The following WDR59 variants were observed in gnomAD, a reference collection of about 807,000 sequenced individuals.
WDR59 encodes the protein WD repeat domain 59.
Under a neutral mutation model 131.2 loss-of-function variants are expected in WDR59, and 100 were observed. That is an observed-to-expected ratio of 0.76 (90% CI 0.65 to 0.90). WDR59 has a LOEUF of 0.90. Ranked by LOEUF, WDR59 falls within the 40% of genes least tolerant of loss-of-function variation. WDR59 has a pLI of 0.00. For missense variants in WDR59, 1,203 were observed against 1,262.2 expected (o/e 0.95, Z 0.71); for synonymous variants, 601 against 466.2 (o/e 1.29, Z -3.72).
intron 1 of WDR59, among the ~76,000 whole-genome samples, chr16:74,977,273 T>A (rs574011397): frequency 3.3e-4 from 50 of 151,912 alleles, no homozygotes; most frequent in Admixed American, 5.2e-4. Flanking sequence ...TAAAAAAAAA[T>A]TTTTAATACC....
chr16:74,926,058 A>AT (rs1347258890), intron 8 of WDR59, among the ~76,000 whole-genome samples: 1,222 of 98,062 alleles, frequency 0.012, 18 homozygotes, highest in African/African-American at 0.038. Context: ...AAGTCTAATA[A>AT]ATTTTTTTTT....
chr16:74,962,603 T>G (rs1163546289), intron 2 of WDR59, among the ~76,000 whole-genome samples: 1 of 152,066 alleles, frequency 6.6e-6, no homozygotes, highest in East Asian at 1.9e-4. Context: ...TGTTGGTGTA[T>G]AGGAATGCTT....
chr16:74,891,481 G>A (rs1247706936), intron 20 of WDR59, among the ~76,000 whole-genome samples: 2 of 152,200 alleles, frequency 1.3e-5, no homozygotes, highest in African/African-American at 4.8e-5. Flanking sequence ...GATGAGATAA[G>A]ATGTTTACTA....
rs553308888 is a variant in WDR59 at position 74,956,482 on chromosome 16, G to A, written c.233C>T (p.Ala78Val). ...NPHDSFAHYFAASSNQRVDLY... is the reference protein window; with the variant it reads ...NPHDSFAHYFVASSNQRVDLY... Reference sequence around the variant, plus strand: ...TTCCTTAAATAAGCTCACCGAAGCCGCAAAATAGTGTGCAAAGCTGTCATG... The same window carrying A: ...TTCCTTAAATAAGCTCACCGAAGCCACAAAATAGTGTGCAAAGCTGTCATG... Residue 78 changes from alanine (A) to valine (V), a missense_variant, in exon 3 of 26, where the codon GCG becomes GTG. Physicochemically the swap from Ala to Val is moderately conservative, Grantham distance 64. Coordinates refer to ENST00000262144, the MANE Select transcript of WDR59 (RefSeq NM_030581.4). The A allele has an allele frequency of 4.5e-5, 72 of 1,612,524 alleles. No individual in the cohort carries two copies. Among genetic ancestry groups the A allele is most frequent in the Non-Finnish European group, 5.8e-5 (68 of 1,179,522 alleles).
intron 9 of WDR59, 43 bp from the exon 10 acceptor site, chr16:74,922,146 G>A (rs748791303): frequency 6.2e-6 from 10 of 1,607,986 alleles, no homozygotes; most frequent in Middle Eastern, 1.7e-4. Flanking sequence ...ATTATTTCAG[G>A]GAGAATCAGC....
intron 10 of WDR59, among the ~76,000 whole-genome samples, chr16:74,919,856 C>G (rs1289581466): frequency 6.6e-6 from 1 of 151,930 alleles, no homozygotes; most frequent in Non-Finnish European, 1.5e-5. Context: ...TGAAGTGGTC[C>G]AATAAAAATT....
intron 1 of WDR59, among the ~76,000 whole-genome samples, chr16:74,981,629 TATATATATATATATA>T (rs2034412078): frequency 3.8e-4 from 1 of 2,648 alleles, no homozygotes; most frequent in African/African-American, 8.1e-4. Context: ...TATATATATA[TATATATATATATATA>T]TATATATATA....
At chr16:74,970,571 G>T (rs961972864) in intron 1 of WDR59, among the ~76,000 whole-genome samples, 2 of 142,350 alleles carry the variant, frequency 1.4e-5, no homozygotes, top group East Asian at 4.2e-4. Flanking sequence ...CACCTTTTCC[G>T]AAAGCACTTT....
chr16:74,961,244 A>G (rs2033553401), intron 2 of WDR59, among the ~76,000 whole-genome samples: 1 of 151,946 alleles, frequency 6.6e-6, no homozygotes, highest in South Asian at 2.1e-4. Context: ...GGAAGTCGAG[A>G]CTGCAGTGAG....
chr16:74,983,973 C>T (rs1458350977), intron 1 of WDR59, among the ~76,000 whole-genome samples: 1 of 151,980 alleles, frequency 6.6e-6, no homozygotes, highest in Non-Finnish European at 1.5e-5. Context: ...GAGCCAGACC[C>T]TGTCTCAAAT....
chr16:74,909,602 GGAGTGACA>G lies in WDR59; in HGVS notation c.1533_1540del (p.Val512ProfsTer24). The G allele has an allele frequency of 6.2e-7, 1 of 1,609,044 alleles. No homozygotes were observed. Among genetic ancestry groups the G allele is most frequent in the Non-Finnish European group, 8.5e-7 (1 of 1,178,070 alleles). ...CACCCGCGCAAACGTCGGTAAGGGG[GGAGTGACA>G]GAGTTGGGGAGTGCAAACGGGTTGC... On this transcript the variant is annotated frameshift_variant, in exon 16 of 26. Transcript: ENST00000262144. LOFTEE classifies it high-confidence loss of function.
chr16:74,889,550 C>A (rs1237121461), intron 21 of WDR59, 153 bp downstream of exon 21: 2 of 620,152 alleles, frequency 3.2e-6, no homozygotes, highest in Non-Finnish European at 5.7e-6. Flanking sequence ...TTGTTCTGCA[C>A]AGAAATTATT....
At chr16:74,927,026 G>T (rs1395705485) in intron 8 of WDR59, among the ~76,000 whole-genome samples, 1 of 152,148 alleles carries the variant, frequency 6.6e-6, no homozygotes, top group African/African-American at 2.4e-5. Context: ...CATATGAACG[G>T]GCAAACACCC....
At chr16:74,922,184 T>G in intron 9 of WDR59, 81 bp from the exon 10 acceptor site, 1 of 1,543,942 alleles carries the variant, frequency 6.5e-7, no homozygotes, top group Non-Finnish European at 8.8e-7. Context: ...AACCTGGAAT[T>G]CTTCCTAAGT....
chr16:74,932,976 C>T (rs1046679422), intron 8 of WDR59, among the ~76,000 whole-genome samples: 17 of 152,182 alleles, frequency 1.1e-4, no homozygotes, highest in South Asian at 2.1e-4. Context: ...GGAATAATTT[C>T]GCCTTATATA....
In WDR59 at chr16:74,887,768, A is replaced by T. The variant is rs566721028; in HGVS notation, c.2347-13T>A. On this transcript the variant is annotated splice_polypyrimidine_tract_variant and intron_variant, in intron 22 of 25. Transcript: ENST00000262144. Reference sequence around the variant, plus strand: ...AGGTAAAGCTAGGCTACAGAAGGGAAGAGAAGAACCAACAGGACTAGCATG... The same window carrying T: ...AGGTAAAGCTAGGCTACAGAAGGGATGAGAAGAACCAACAGGACTAGCATG... 1 of 1,612,432 alleles carries T rather than the reference A, an allele frequency of 6.2e-7. No individual in the cohort carries two copies. The highest frequency in any genetic ancestry group is 1.3e-5 in the African/African-American group (1 of 74,998).
chr16:74,958,647 G>C (rs1237356488), intron 2 of WDR59, among the ~76,000 whole-genome samples: 1 of 121,680 alleles, frequency 8.2e-6, no homozygotes, highest in Non-Finnish European at 1.8e-5. Flanking sequence ...AAAGTACATG[G>C]AGAGAGAAAT....
At chr16:74,935,229 CA>C (rs1324737045) in intron 8 of WDR59, among the ~76,000 whole-genome samples, 6 of 145,854 alleles carry the variant, frequency 4.1e-5, no homozygotes, top group African/African-American at 5.0e-5. Flanking sequence ...GACTCTGTCT[CA>C]AAAAAAAAAG....
At chr16:74,906,361 T>C (rs892626459) in intron 17 of WDR59, among the ~76,000 whole-genome samples, 1 of 131,922 alleles carries the variant, frequency 7.6e-6, no homozygotes, top group Middle Eastern at 4.1e-3. Flanking sequence ...CACAACAGAA[T>C]GGCTAAAGTT....
Sources: allele counts gnomAD v4.1 joint callset (sites outside exome capture counted in the v4.1 genomes callset), GRCh38; gene constraint gnomAD v4.1.1; transcripts MANE v1.5; gene names NCBI Gene and HGNC (gene_info 2026-07-23, HGNC 2026-07-21).